BMP7: variants seen among roughly 807,000 people sequenced by gnomAD.
The protein encoded by BMP7 is bone morphogenetic protein 7.
In BMP7, 12 loss-of-function variants were observed where a neutral mutation model predicts 41.2. That is an observed-to-expected ratio of 0.29 (90% CI 0.19 to 0.47). The LOEUF (loss-of-function observed/expected upper bound fraction) is 0.47. BMP7 is among the 20% of genes least tolerant of loss of function. The pLI is 0.99. For synonymous variants in BMP7, 248 were observed against 250.0 expected (o/e 0.99, Z 0.07); for missense variants, 467 against 606.0 (o/e 0.77, Z 2.41).
intron 1 of BMP7, among the ~76,000 whole-genome samples, chr20:57,232,852 T>TAC (rs60368986): frequency 0.1 from 13,790 of 137,964 alleles, 750 homozygotes; most frequent in Non-Finnish European, 0.13. Flanking sequence ...AGTCATGAAG[T>TAC]ACACACACAC....
intron 1 of BMP7, among the ~76,000 whole-genome samples, chr20:57,253,336 G>A (rs2066121740): frequency 1.3e-5 from 2 of 152,152 alleles, no homozygotes; most frequent in African/African-American, 2.4e-5. Context: ...GGGAAGATTG[G>A]GGAATGGAGT....
chr20:57,179,492 C>T (rs1047027824), intron 4 of BMP7, among the ~76,000 whole-genome samples: 2 of 152,246 alleles, frequency 1.3e-5, no homozygotes, highest in Non-Finnish European at 2.9e-5. Context: ...AGTTTCTCAA[C>T]CCCAAACCGC....
intron 3 of BMP7, among the ~76,000 whole-genome samples, chr20:57,198,544 C>T (rs1039580023): frequency 1.2e-4 from 19 of 152,326 alleles, no homozygotes; most frequent in East Asian, 1.9e-4. Flanking sequence ...CTTCTCCCCG[C>T]GAGGGCACGC....
At chr20:57,255,660 C>T (rs2066131004) in intron 1 of BMP7, among the ~76,000 whole-genome samples, 3 of 151,690 alleles carry the variant, frequency 2.0e-5, no homozygotes, top group Admixed American at 1.3e-4. Flanking sequence ...ATTAGCCGGG[C>T]GTGGTTGTGG....
At chr20:57,221,292 C>T (rs1172838297) in intron 2 of BMP7, among the ~76,000 whole-genome samples, 1 of 152,204 alleles carries the variant, frequency 6.6e-6, no homozygotes, top group Non-Finnish European at 1.5e-5. Flanking sequence ...TCACTACACA[C>T]TACTGGGACA....
intron 1 of BMP7, among the ~76,000 whole-genome samples, chr20:57,262,808 G>T (rs2066159301): frequency 6.6e-6 from 1 of 152,138 alleles, no homozygotes. Context: ...TGTAAATTGT[G>T]AGAATAAACT....
intron 4 of BMP7, among the ~76,000 whole-genome samples, chr20:57,181,053 G>A (rs753226949): frequency 3.9e-5 from 6 of 152,148 alleles, no homozygotes; most frequent in Non-Finnish European, 8.8e-5. Flanking sequence ...CGCAGGCCCC[G>A]GAGGTGATAA....
chr20:57,198,165 C>T (rs1984545584), intron 3 of BMP7, among the ~76,000 whole-genome samples: 1 of 141,718 alleles, frequency 7.1e-6, no homozygotes, highest in Non-Finnish European at 1.5e-5. Flanking sequence ...TCCTCTCTAT[C>T]CTCTCCTCTC....
intron 4 of BMP7, among the ~76,000 whole-genome samples, chr20:57,182,981 T>A (rs970642689): frequency 8.5e-5 from 13 of 152,238 alleles, no homozygotes; most frequent in African/African-American, 3.1e-4. Flanking sequence ...ACGCCTGTAA[T>A]CCCAGCACTT....
At chr20:57,252,082 C>A (rs1008811841) in intron 1 of BMP7, among the ~76,000 whole-genome samples, 3 of 152,204 alleles carry the variant, frequency 2.0e-5, no homozygotes, top group Non-Finnish European at 4.4e-5. Context: ...ACCATCGTGT[C>A]TGTGGCAACT....
At chr20:57,178,166 G>A (rs966682922) in intron 4 of BMP7, 1 of 152,380 alleles carries the variant, frequency 6.6e-6, no homozygotes, top group African/African-American at 2.4e-5. Context: ...AGGGTGGGGA[G>A]GCATCCAAGG....
chr20:57,181,054 G>A (rs964467363), intron 4 of BMP7, among the ~76,000 whole-genome samples: 4 of 152,146 alleles, frequency 2.6e-5, no homozygotes, highest in Non-Finnish European at 5.9e-5. Context: ...GCAGGCCCCG[G>A]AGGTGATAAG....
chr20:57,196,262 AG>A (rs1274932636), intron 3 of BMP7, among the ~76,000 whole-genome samples: 1 of 152,160 alleles, frequency 6.6e-6, no homozygotes, highest in Non-Finnish European at 1.5e-5. Flanking sequence ...AGACGGCACA[AG>A]GAAAATGGGC....
At chr20:57,185,309 G>T (rs752254230) in intron 3 of BMP7, among the ~76,000 whole-genome samples, 3 of 152,260 alleles carry the variant, frequency 2.0e-5, no homozygotes, top group Non-Finnish European at 2.9e-5. Context: ...GAGGTCCCAA[G>T]TGCCCTTCAT....
In BMP7 at chr20:57,214,299, G is replaced by A. The variant is rs111248184; in HGVS notation, c.612-11676C>T. 4.1e-4 allele frequency among the ~76,000 whole-genome samples: 62 copies of A among 152,044 alleles called. No individual in the cohort carries two copies. The highest frequency in any genetic ancestry group is 3.4e-3 in the Middle Eastern group (1 of 294). ...GTTCCCCTTCCACTCTTCTCACCCC[G>A]CACTCCCCCTGCCCCAGCAGCTTGC... On this transcript the variant is annotated intron_variant, in intron 2 of 6. Transcript: ENST00000395863. The surrounding 1 kb of genome is among the most constrained non-coding windows in gnomAD (Gnocchi z 4.0).
In BMP7 at chr20:57,214,029, G is replaced by GCT. The variant is rs1266882708; in HGVS notation, c.612-11408_612-11407dup. On this transcript the variant is annotated intron_variant, in intron 2 of 6. Coordinates refer to ENST00000395863, the MANE Select transcript of BMP7 (RefSeq NM_001719.3). This position sits in a 1 kb window ranked among gnomAD's most constrained non-coding sequence, Gnocchi z 4.0. ...GCCTTGGCTCTAAAGTAAGATCACA[G>GCT]CTGCAGTGAGCTGACCCCAACTCAA... Among the ~76,000 whole-genome samples, 2 of 152,200 alleles carry GCT rather than the reference G, an allele frequency of 1.3e-5. No homozygotes were observed. Among genetic ancestry groups the GCT allele is most frequent in the African/African-American group, 4.8e-5 (2 of 41,460 alleles).
chr20:57,254,624 G>T (rs2066127049), intron 1 of BMP7, among the ~76,000 whole-genome samples: 1 of 149,508 alleles, frequency 6.7e-6, no homozygotes, highest in Admixed American at 6.7e-5. Flanking sequence ...TTCTGACATT[G>T]TTTCCAGTCT....
intron 3 of BMP7, among the ~76,000 whole-genome samples, chr20:57,198,964 T>C (rs1600618722): frequency 6.6e-6 from 1 of 152,134 alleles, no homozygotes; most frequent in Admixed American, 6.5e-5. Context: ...CCACGCACAG[T>C]GTAACTGCCT....
chr20:57,212,372 G>A (rs1163697288), intron 2 of BMP7, among the ~76,000 whole-genome samples: 2 of 152,220 alleles, frequency 1.3e-5, no homozygotes, highest in East Asian at 3.8e-4. Flanking sequence ...GCCTCTGGCC[G>A]CGGGAGGTCA....
Sources: gnomAD v4.1 joint callset for allele counts (sites outside exome capture counted in the v4.1 genomes callset) on GRCh38, gnomAD v4.1.1 for gene constraint, Gnocchi (gnomAD v3.1) non-coding constraint, MANE v1.5 for transcripts, NCBI Gene and HGNC (gene_info 2026-07-23, HGNC 2026-07-21) for gene names.